Variants in FAF1 observed in about 807,000 individuals in gnomAD.
FAF1 encodes the protein FAS-associated factor 1.
Under a neutral mutation model 92.5 loss-of-function variants are expected in FAF1, and 25 were observed. The observed-to-expected ratio is 0.27, with a 90% confidence interval of 0.20 to 0.38. The LOEUF (loss-of-function observed/expected upper bound fraction) is 0.38. Ranked by LOEUF, FAF1 falls within the 10% of genes least tolerant of loss-of-function variation. The probability of loss-of-function intolerance (pLI) is 1.00; values close to 1 mark genes in which losing one functional copy is unlikely to be tolerated. For missense variants in FAF1, 636 were observed against 793.3 expected (o/e 0.80, Z 2.38); for synonymous variants, 234 against 273.2 (o/e 0.86, Z 1.42).
intron 1 of FAF1, among the ~76,000 whole-genome samples, chr1:50,952,379 A>G (rs569722599): frequency 7.2e-5 from 11 of 152,318 alleles, no homozygotes; most frequent in African/African-American, 2.6e-4. Flanking sequence ...CGAGGTGTCA[A>G]GATTGCAGAC....
At chr1:50,612,529 C>T in intron 8 of FAF1, 1 of 964,920 alleles carries the variant, frequency 1.0e-6, no homozygotes. Flanking sequence ...CCACTTGGCT[C>T]ATGTCTAGTC....
At chr1:50,746,278 ATATATATATATATATTTTTTTTTTT>A (rs1402269695) in intron 4 of FAF1, among the ~76,000 whole-genome samples, 23 of 20,318 alleles carry the variant, frequency 1.1e-3, no homozygotes, top group South Asian at 2.6e-3. Flanking sequence ...ATATATATAT[ATATATATATATATATTTTTTTTTTT>A]TTTTTTTTTT....
rs1553216761 is a variant in FAF1 at position 50,472,424 on chromosome 1, A to ACACAC, written c.1869+3039_1869+3040insGTGTG. On this transcript the variant is annotated intron_variant, in intron 18 of 18. Coordinates refer to ENST00000396153, the MANE Select transcript of FAF1 (RefSeq NM_007051.3). ...ACACACACACACACACACACACACA[A>ACACAC]ACCCCAAAACCAAGTAACTCAATGC... 1.8e-3 allele frequency among the ~76,000 whole-genome samples: 171 copies of ACACAC among 96,138 alleles called. 2 individuals are homozygous for ACACAC. The highest frequency in any genetic ancestry group is 4.9e-3 in the African/African-American group (137 of 27,896). The allele number at this position is 96,138 out of a possible 152,430, so 63.1% of individuals were successfully genotyped here. A position where few individuals can be genotyped will look rare whatever the true frequency, so the allele number is the denominator to read the frequency against.
intron 4 of FAF1, among the ~76,000 whole-genome samples, chr1:50,753,495 G>A (rs569196427): frequency 1.8e-4 from 28 of 152,246 alleles, no homozygotes; most frequent in African/African-American, 6.5e-4. Flanking sequence ...CATTTCTCTT[G>A]AGAACCTATG....
At chr1:50,953,480 G>A (rs1645237509) in intron 1 of FAF1, among the ~76,000 whole-genome samples, 1 of 152,068 alleles carries the variant, frequency 6.6e-6, no homozygotes, top group Non-Finnish European at 1.5e-5. Flanking sequence ...CACAGCGCCT[G>A]TAATCCCAGC....
intron 1 of FAF1, among the ~76,000 whole-genome samples, chr1:50,934,688 C>T (rs377714617): frequency 2.6e-5 from 4 of 152,310 alleles, no homozygotes; most frequent in East Asian, 1.9e-4. Flanking sequence ...CACACCACTG[C>T]ACTCCAGCCT....
Position 50,473,017 on chromosome 1 carries a change from A to C in FAF1, c.1869+2447T>G, listed in dbSNP as rs532981238. Among the ~76,000 whole-genome samples, 5 of 152,260 alleles carry C rather than the reference A, an allele frequency of 3.3e-5. No individual in the cohort carries two copies. The South Asian group carries it at 1.0e-3, about 32-fold the overall frequency. Reference sequence around the variant, plus strand: ...GGGTGGGCCTAGAGCATCTGTTCTCATTTGGACCAGCCTCTGTTCATTCTG... The same window carrying C: ...GGGTGGGCCTAGAGCATCTGTTCTCCTTTGGACCAGCCTCTGTTCATTCTG... On this transcript the variant is annotated intron_variant, in intron 18 of 18. Coordinates refer to ENST00000396153, the MANE Select transcript of FAF1 (RefSeq NM_007051.3).
intron 6 of FAF1, among the ~76,000 whole-genome samples, chr1:50,720,158 C>T (rs184177410): frequency 6.6e-6 from 1 of 152,260 alleles, no homozygotes; most frequent in Non-Finnish European, 1.5e-5. Context: ...TGCACCACCA[C>T]ACCCAGCTAA....
At chr1:50,586,766 AT>A (rs1426946939) in intron 9 of FAF1, among the ~76,000 whole-genome samples, 4 of 152,174 alleles carry the variant, frequency 2.6e-5, no homozygotes, top group Non-Finnish European at 4.4e-5. Flanking sequence ...AAAACAACAC[AT>A]TTACTAGGAC....
intron 8 of FAF1, among the ~76,000 whole-genome samples, chr1:50,613,168 C>A (rs756067007): frequency 2.9e-4 from 44 of 152,098 alleles, no homozygotes; most frequent in Admixed American, 2.0e-3. Flanking sequence ...TAATCCAAGG[C>A]CTGGAAACCA....
At chr1:50,528,484 TA>T (rs962097050) in intron 15 of FAF1, among the ~76,000 whole-genome samples, 4 of 152,196 alleles carry the variant, frequency 2.6e-5, no homozygotes, top group Admixed American at 2.6e-4. Context: ...ACACTAGGGG[TA>T]AATGGATTCT....
chr1:50,751,886 G>A (rs61782360), intron 4 of FAF1, among the ~76,000 whole-genome samples: 6,480 of 152,250 alleles, frequency 0.043, 207 homozygotes, highest in Non-Finnish European at 0.061. Flanking sequence ...GCGAAGGACT[G>A]GTAATAGTTC....
intron 7 of FAF1, among the ~76,000 whole-genome samples, chr1:50,669,048 A>C (rs960836066): frequency 6.6e-6 from 1 of 152,174 alleles, no homozygotes; most frequent in South Asian, 2.1e-4. Context: ...AGTGCTACAC[A>C]CAGTATACCC....
At chr1:50,817,940 A>T (rs541828796) in intron 2 of FAF1, among the ~76,000 whole-genome samples, 3 of 152,210 alleles carry the variant, frequency 2.0e-5, no homozygotes, top group Admixed American at 1.3e-4. Flanking sequence ...GGCTCGAAAA[A>T]GGTAAATACT....
intron 1 of FAF1, among the ~76,000 whole-genome samples, chr1:50,923,197 T>C (rs192105752): frequency 9.7e-4 from 148 of 152,238 alleles, no homozygotes; most frequent in Non-Finnish European, 1.5e-3. Context: ...GGTGGAAGGA[T>C]TGCTTAAGCC....
intron 1 of FAF1, among the ~76,000 whole-genome samples, chr1:50,935,024 T>G (rs1645075439): frequency 6.6e-6 from 1 of 152,208 alleles, no homozygotes; most frequent in Non-Finnish European, 1.5e-5. Context: ...TAAACCTACT[T>G]GGTATTCACT....
intron 2 of FAF1, among the ~76,000 whole-genome samples, chr1:50,826,869 C>T (rs935148176): frequency 4.6e-5 from 7 of 152,034 alleles, no homozygotes; most frequent in African/African-American, 1.7e-4. Context: ...CAAAAAAATT[C>T]CAGACACCGT....
intron 8 of FAF1, among the ~76,000 whole-genome samples, chr1:50,633,229 A>C (rs1377589037): frequency 6.6e-6 from 1 of 152,238 alleles, no homozygotes; most frequent in Admixed American, 6.5e-5. Flanking sequence ...ACAAGTGGCT[A>C]ACTGTATTGC....
chr1:50,490,805 G>A (rs1472659334), intron 16 of FAF1, 140 bp from the exon 17 acceptor site: 3 of 644,864 alleles, frequency 4.7e-6, no homozygotes, highest in Non-Finnish European at 8.3e-6. Flanking sequence ...ATGACTCAGA[G>A]GTATATTGTG....
Sources: gnomAD v4.1 joint callset for allele counts (sites outside exome capture counted in the v4.1 genomes callset) on GRCh38, gnomAD v4.1.1 for gene constraint, MANE v1.5 for transcripts, NCBI Gene and HGNC (gene_info 2026-07-23, HGNC 2026-07-21) for gene names.